The following PI4KA variants were observed in gnomAD, a reference collection of about 807,000 sequenced individuals.
The protein encoded by PI4KA is PI4-kinase alpha.
A neutral mutation model predicts 271.4 loss-of-function variants in PI4KA; 122 were observed. The observed-to-expected ratio is 0.45, with a 90% CI of 0.39 to 0.52. PI4KA has a LOEUF of 0.52. Ranked by LOEUF, PI4KA falls within the 20% of genes least tolerant of loss-of-function variation. The probability of loss-of-function intolerance (pLI) is 0.00; values close to 1 mark genes in which losing one functional copy is unlikely to be tolerated. For missense variants in PI4KA, 1,969 were observed against 2,769.1 expected (o/e 0.71, Z 6.48); for synonymous variants, 1,041 against 1,078.8 (o/e 0.96, Z 0.69).
intron 7 of PI4KA, among the ~76,000 whole-genome samples, chr22:20,815,426 C>A (rs1050904603): frequency 2.8e-5 from 4 of 140,382 alleles, no homozygotes. Flanking sequence ...AAACAAAAAA[C>A]TATGATTGAA....
intron 8 of PI4KA, among the ~76,000 whole-genome samples, chr22:20,812,012 CAAAAAAAAAAAAA>C: frequency 1.3e-5 from 1 of 77,470 alleles, no homozygotes. Flanking sequence ...GACTCCATCT[CAAAAAAAAAAAAA>C]AAAAAAAGAA....
At chr22:20,759,402 C>CTTTTTTTTTTTTTTTTTTTTTTTTTT (rs886192073) in intron 23 of PI4KA, among the ~76,000 whole-genome samples, 5 of 102,900 alleles carry the variant, frequency 4.9e-5, no homozygotes, top group Admixed American at 1.1e-4. Context: ...CTTTTCTTTT[C>CTTTTTTTTTTTTTTTTTTTTTTTTTT]TTTTTTTTTT....
chr22:20,793,997 C>A (rs165780), intron 18 of PI4KA, among the ~76,000 whole-genome samples: 75,614 of 152,128 alleles, frequency 0.5, 19,379 homozygotes, highest in African/African-American at 0.6. Context: ...ACTTCTGGGA[C>A]GATTCATGGG....
At chr22:20,730,750 A>G (rs941191026) in intron 36 of PI4KA, among the ~76,000 whole-genome samples, 29 of 151,780 alleles carry the variant, frequency 1.9e-4, no homozygotes, top group Non-Finnish European at 4.4e-5. Flanking sequence ...TTGTATTTTT[A>G]GTAGAGATGG....
At chr22:20,838,462 C>G (rs1194816166) in intron 2 of PI4KA, among the ~76,000 whole-genome samples, 153 bp downstream of exon 2, 1 of 152,152 alleles carries the variant, frequency 6.6e-6, no homozygotes, top group Non-Finnish European at 1.5e-5. Context: ...AAGTTTCATT[C>G]CCACCTTGTC....
chr22:20,838,380 C>A (rs1925144444), intron 2 of PI4KA, among the ~76,000 whole-genome samples: 1 of 152,102 alleles, frequency 6.6e-6, no homozygotes, highest in South Asian at 2.1e-4. Flanking sequence ...AACAAAAATA[C>A]ACTTTTTTTA....
chr22:20,853,191 C>A (rs1262939220), intron 1 of PI4KA, among the ~76,000 whole-genome samples: 1 of 152,154 alleles, frequency 6.6e-6, no homozygotes, highest in South Asian at 2.1e-4. Flanking sequence ...TCAAAGCCTC[C>A]TGAGGGTGGG....
intron 3 of PI4KA, among the ~76,000 whole-genome samples, chr22:20,826,140 C>T (rs915028295): frequency 9.2e-5 from 14 of 152,034 alleles, no homozygotes; most frequent in African/African-American, 3.4e-4. Flanking sequence ...GCCAGGAGTT[C>T]GAGACCAGCC....
chr22:20,828,833 G>A (rs554841330), intron 3 of PI4KA, among the ~76,000 whole-genome samples: 11 of 152,272 alleles, frequency 7.2e-5, no homozygotes, highest in South Asian at 6.2e-4. Flanking sequence ...GATTACAGGC[G>A]TGAGCCACCA....
intron 1 of PI4KA, among the ~76,000 whole-genome samples, chr22:20,857,588 G>A (rs985862767): frequency 1.3e-5 from 2 of 152,212 alleles, no homozygotes; most frequent in South Asian, 2.1e-4. Flanking sequence ...TAAACACTGT[G>A]CTGAGTCTCA....
intron 41 of PI4KA, 132 bp downstream of exon 41, chr22:20,727,098 G>T: frequency 1.4e-6 from 1 of 697,820 alleles, no homozygotes; most frequent in East Asian, 3.0e-5. Flanking sequence ...AACTACTTGA[G>T]CAAAAAACAG....
chr22:20,848,634 T>G (rs888013283), intron 1 of PI4KA, among the ~76,000 whole-genome samples: 1 of 152,128 alleles, frequency 6.6e-6, no homozygotes, highest in African/African-American at 2.4e-5. Context: ...GATATTCACA[T>G]GCAAAAGAAT....
In PI4KA at chr22:20,813,431, G is replaced by A. The variant is rs760484745; in HGVS notation, c.932C>T (p.Ser311Phe). 4 of 1,613,532 alleles carry A rather than the reference G, an allele frequency of 2.5e-6. No homozygotes were observed. The highest frequency in any genetic ancestry group is 1.6e-4 in the Middle Eastern group (1 of 6,084). The change falls in exon 8 of 55, where the codon TCT (serine) becomes TTT (phenylalanine). Residue 311 changes from serine to phenylalanine, a missense_variant. Transcript: ENST00000255882. ...ATATGTGACACCGTTGAAAAGGGGAGAGACTGAGAAGCTGGAGCTGATGGT... is the reference window on the plus strand; with the variant it reads ...ATATGTGACACCGTTGAAAAGGGGAAAGACTGAGAAGCTGGAGCTGATGGT... The part of the protein sequence containing the change: ...FSTISSSFSV[S>F]PLFNGVTYKE...
At position 20,727,884 on chromosome 22, in the gene PI4KA, T is replaced by TG; in HGVS notation, c.4683-21dup. On this transcript the variant is annotated intron_variant, in intron 39 of 54. Transcript: ENST00000255882. ...TTAAACCTACAGTGCACAGAGGGTATGGGTGGTGCTGCCTCGCCAGGGAAC... is the reference window on the plus strand; with the variant it reads ...TTAAACCTACAGTGCACAGAGGGTATGGGGTGGTGCTGCCTCGCCAGGGAAC... 6.3e-7 allele frequency: 1 copy of TG among 1,595,122 alleles called. No individual in the cohort carries two copies. The highest frequency in any genetic ancestry group is 8.6e-7 in the Non-Finnish European group (1 of 1,163,432).
rs370079057 is a variant in PI4KA, at chr22:20,729,356, C to T, written c.4639G>A (p.Ala1547Thr). 31 of 1,613,916 alleles carry T rather than the reference C, an allele frequency of 1.9e-5. No homozygotes were observed. Among genetic ancestry groups the T allele is most frequent in the East Asian group, 4.5e-5 (2 of 44,896 alleles). The change falls in exon 39 of 55, where the codon GCC (alanine) becomes ACC (threonine). Residue 1547 changes from alanine to threonine, a missense_variant. Transcript: ENST00000255882. ...EKQWKDNVNL[A>T]WSISPYLAVQ... ...GCTAGGTAGGGAGAGATGCTCCAGG[C>T]GAGGTTCACGTTGTCCTTCCACTGC...
chr22:20,806,106 C>T (rs1935638236), intron 10 of PI4KA, among the ~76,000 whole-genome samples: 1 of 152,072 alleles, frequency 6.6e-6, no homozygotes, highest in African/African-American at 2.4e-5. Context: ...CAACCCTTGC[C>T]GTGGCCCAGA....
At chr22:20,853,500 G>A (rs2147830101) in intron 1 of PI4KA, among the ~76,000 whole-genome samples, 1 of 152,346 alleles carries the variant, frequency 6.6e-6, no homozygotes. Context: ...AGATCCCAAT[G>A]TTGAAAAGCC....
At chr22:20,848,002 C>T (rs1054577620) in intron 1 of PI4KA, among the ~76,000 whole-genome samples, 44 of 152,076 alleles carry the variant, frequency 2.9e-4, no homozygotes, top group Non-Finnish European at 5.9e-4. Flanking sequence ...CTTTGAGGGG[C>T]CAGGGTGGGT....
At chr22:20,836,300 T>A (rs1367651762) in intron 2 of PI4KA, among the ~76,000 whole-genome samples, 5 of 152,198 alleles carry the variant, frequency 3.3e-5, no homozygotes, top group Admixed American at 2.6e-4. Context: ...AACAAAATGA[T>A]GTATTAAGCA....
Sources: gnomAD v4.1 joint callset for allele counts (sites outside exome capture counted in the v4.1 genomes callset) on GRCh38, gnomAD v4.1.1 for gene constraint, MANE v1.5 for transcripts, NCBI Gene and HGNC (gene_info 2026-07-23, HGNC 2026-07-21) for gene names.